FOXK2: variants seen among roughly 807,000 people sequenced by gnomAD.
FOXK2 encodes the protein forkhead box protein K2.
Under a neutral mutation model 53.3 loss-of-function variants are expected in FOXK2, and 24 were observed. The ratio of observed to expected loss-of-function variants is 0.45; its 90% CI spans 0.33 to 0.63. FOXK2 has a LOEUF of 0.63. Among genes scored for constraint, FOXK2 ranks in the 30% least tolerant of loss-of-function variants. The pLI is 0.03. For synonymous variants in FOXK2, 505 were observed against 407.1 expected, an observed-to-expected ratio of 1.24 and a Z score of -2.89; for missense variants, 952 against 910.5, an observed-to-expected ratio of 1.05 and a Z score of -0.59.
At chr17:82,600,562 C>T (rs2045371929) in intron 8 of FOXK2, 1 of 152,264 alleles carries the variant, frequency 6.6e-6, no homozygotes, top group Admixed American at 6.5e-5. Flanking sequence ...TATACAGAAA[C>T]ATCCAGATTA....
At chr17:82,573,560 TCTCACACACACACACACA>T (rs1225543403) in intron 4 of FOXK2, among the ~76,000 whole-genome samples, 71 of 101,882 alleles carry the variant, frequency 7.0e-4, no homozygotes, top group Middle Eastern at 5.3e-3. Context: ...TCTCTCTCTC[TCTCACACACACACACACA>T]CACACACACA....
At chr17:82,544,911 G>T (rs1214416206) in intron 1 of FOXK2, among the ~76,000 whole-genome samples, 1 of 151,784 alleles carries the variant, frequency 6.6e-6, no homozygotes, top group Non-Finnish European at 1.5e-5. Flanking sequence ...TCCCGGGGGC[G>T]CACCCTCTCC....
intron 8 of FOXK2, among the ~76,000 whole-genome samples, chr17:82,597,042 G>C (rs2045320959): frequency 1.3e-5 from 2 of 152,172 alleles, no homozygotes; most frequent in Non-Finnish European, 2.9e-5. Flanking sequence ...GAAGGCGGCG[G>C]CGCCTCTGGG....
At chr17:82,533,721 C>T (rs1303948101) in intron 1 of FOXK2, among the ~76,000 whole-genome samples, 3 of 152,012 alleles carry the variant, frequency 2.0e-5, no homozygotes, top group Non-Finnish European at 4.4e-5. Flanking sequence ...ACGGGACCCT[C>T]ATATATGCGG....
At chr17:82,530,554 A>G (rs1247576519) in intron 1 of FOXK2, among the ~76,000 whole-genome samples, 1 of 130,450 alleles carries the variant, frequency 7.7e-6, no homozygotes, top group Non-Finnish European at 1.6e-5. Flanking sequence ...TCTGTCACCC[A>G]GGCTGGAGTG....
At chr17:82,579,029 C>G (rs1284523305) in intron 4 of FOXK2, among the ~76,000 whole-genome samples, 1 of 152,224 alleles carries the variant, frequency 6.6e-6, no homozygotes, top group African/African-American at 2.4e-5. Flanking sequence ...GTCTGTTCTT[C>G]AGACTCGGAT....
intron 4 of FOXK2, among the ~76,000 whole-genome samples, chr17:82,575,516 C>T (rs988584842): frequency 3.7e-4 from 57 of 152,274 alleles, no homozygotes; most frequent in African/African-American, 1.3e-3. Flanking sequence ...ATCATATCCA[C>T]TAGATTAGCC....
chr17:82,531,097 A>G (rs1238481749), intron 1 of FOXK2, among the ~76,000 whole-genome samples: 2 of 152,148 alleles, frequency 1.3e-5, no homozygotes, highest in African/African-American at 4.8e-5. Context: ...CACAGCTGAA[A>G]TCCTGTACAC....
At chr17:82,555,728 CAA>C (rs369431923) in intron 1 of FOXK2, among the ~76,000 whole-genome samples, 2 of 124,608 alleles carry the variant, frequency 1.6e-5, no homozygotes, top group East Asian at 2.3e-4. Flanking sequence ...ACTAAAAATA[CAA>C]AAAAAAAAAA....
At chr17:82,550,718 G>T (rs1232520969) in intron 1 of FOXK2, among the ~76,000 whole-genome samples, 1 of 151,894 alleles carries the variant, frequency 6.6e-6, no homozygotes, top group Non-Finnish European at 1.5e-5. Flanking sequence ...TGTTAGCCAG[G>T]ATGGTCTCGA....
rs768348339 is a variant in FOXK2, at chr17:82,586,146, C to T, written c.1522C>T (p.Leu508=). The part of the protein sequence containing the change: ...GQAVVTPAAV[L]APPKAEAQEN... Reference sequence around the variant, plus strand: ...AGCTGTGGTCACCCCGGCAGCCGTGCTGGCCCCTCCTAAGGCAGAGGCCCA... The same window carrying T: ...AGCTGTGGTCACCCCGGCAGCCGTGTTGGCCCCTCCTAAGGCAGAGGCCCA... Residue 508 remains leucine, a synonymous_variant, in exon 7 of 9, where the codon CTG becomes TTG. Coordinates refer to ENST00000335255, the MANE Select transcript of FOXK2 (RefSeq NM_004514.4). The T allele has an allele frequency of 1.2e-6, 2 of 1,612,426 alleles. No homozygotes were observed. Among genetic ancestry groups the T allele is most frequent in the Non-Finnish European group, 1.7e-6 (2 of 1,179,888 alleles).
chr17:82,568,072 C>T lies in FOXK2; in HGVS notation c.633C>T (p.Pro211=), dbSNP rs1203862070. ...TCCACAGCGCTGCAAACTCCTGCCC[C>T]TCCAGCCCCCGGGGAGCGGGGTCTT... ...TGTISAANSC[P]SSPRGAGSSG... Residue 211 remains proline (P), a synonymous_variant, in exon 3 of 9, where the codon CCC becomes CCT. Coordinates refer to ENST00000335255, the MANE Select transcript of FOXK2 (RefSeq NM_004514.4). The T allele has an allele frequency of 2.5e-6, 4 of 1,610,176 alleles. No individual in the cohort carries two copies. Among genetic ancestry groups the T allele is most frequent in the African/African-American group, 1.3e-5 (1 of 74,678 alleles).
chr17:82,561,909 G>T (rs868828515), intron 1 of FOXK2, among the ~76,000 whole-genome samples: 6 of 138,300 alleles, frequency 4.3e-5, no homozygotes, highest in Non-Finnish European at 1.0e-4. Flanking sequence ...CTCTGTTGGG[G>T]GGGGGGGGTG....
chr17:82,572,774 TA>T (rs1402113828), intron 4 of FOXK2, among the ~76,000 whole-genome samples: 3 of 152,150 alleles, frequency 2.0e-5, no homozygotes, highest in African/African-American at 7.2e-5. Context: ...AATGATCCTT[TA>T]AAAAAACATC....
chr17:82,596,275 T>A, intron 8 of FOXK2: 1 of 897,092 alleles, frequency 1.1e-6, no homozygotes, highest in Non-Finnish European at 1.3e-6. Flanking sequence ...GCTGACGCCT[T>A]AATTCTGGAA....
chr17:82,586,599 C>G (rs1391748908), intron 7 of FOXK2, among the ~76,000 whole-genome samples: 1 of 151,906 alleles, frequency 6.6e-6, no homozygotes, highest in African/African-American at 2.4e-5. Context: ...TCTGGGAAGT[C>G]CATAAGATTT....
Position 82,584,133 on chromosome 17 carries a change from T to A in FOXK2, c.1224T>A (p.Ala408=). 6.8e-6 allele frequency: 11 copies of A among 1,610,810 alleles called. No individual in the cohort carries two copies. The highest frequency in any genetic ancestry group is 9.3e-6 in the Non-Finnish European group (11 of 1,179,730). Residue 408 remains alanine (A), a synonymous_variant, in exon 6 of 9, where the codon GCT becomes GCA. Coordinates refer to ENST00000335255, the MANE Select transcript of FOXK2 (RefSeq NM_004514.4). ...SPAPLEPEPG[A]AQPKLAVIQE... ...CCCCCCTGGAGCCTGAGCCTGGCGC[T>A]GCACAGCCCAAACTCGCTGTCATCC...
At chr17:82,596,492 C>G (rs1249912503) in intron 8 of FOXK2, among the ~76,000 whole-genome samples, 1 of 152,252 alleles carries the variant, frequency 6.6e-6, no homozygotes, top group African/African-American at 2.4e-5. Flanking sequence ...CCCTGGTGCC[C>G]TCGTCACGCC....
At chr17:82,586,695 A>T (rs2045176831) in intron 7 of FOXK2, among the ~76,000 whole-genome samples, 1 of 152,022 alleles carries the variant, frequency 6.6e-6, no homozygotes, top group African/African-American at 2.4e-5. Context: ...TGAGGTTAGG[A>T]GTTGGAGACC....
Sources: allele counts gnomAD v4.1 joint callset (sites outside exome capture counted in the v4.1 genomes callset), GRCh38; gene constraint gnomAD v4.1.1; transcripts MANE v1.5; gene names NCBI Gene and HGNC (gene_info 2026-07-23, HGNC 2026-07-21).